MAP7: variants seen among roughly 807,000 people sequenced by gnomAD.
MAP7 encodes the protein microtubule associated protein 7, also known as ensconsin.
In MAP7, 52 loss-of-function variants were observed where a neutral mutation model predicts 94.8. The observed-to-expected ratio is 0.55, with a 90% confidence interval of 0.44 to 0.69. The LOEUF is 0.69. MAP7 is among the 30% of genes least tolerant of loss of function. The pLI, the probability that MAP7 is intolerant of heterozygous loss-of-function variation, is 0.00. For missense variants in MAP7, 940 were observed against 964.6 expected, an observed-to-expected ratio of 0.97 and a Z score of 0.34; for synonymous variants, 350 against 357.0, an observed-to-expected ratio of 0.98 and a Z score of 0.22.
At chr6:136,518,109 C>T (rs1198918642) in intron 1 of MAP7, among the ~76,000 whole-genome samples, 2 of 152,126 alleles carry the variant, frequency 1.3e-5, no homozygotes, top group African/African-American at 4.8e-5. Flanking sequence ...TACTGTTGTT[C>T]CAATAATGGT....
At chr6:136,393,098 T>C (rs1257989959) in intron 3 of MAP7, among the ~76,000 whole-genome samples, 1 of 152,204 alleles carries the variant, frequency 6.6e-6, no homozygotes, top group Non-Finnish European at 1.5e-5. Flanking sequence ...GCTCTATTTC[T>C]TCACTAAATT....
chr6:136,522,227 A>G (rs1172816537), intron 1 of MAP7, among the ~76,000 whole-genome samples: 2 of 152,304 alleles, frequency 1.3e-5, no homozygotes, highest in East Asian at 3.9e-4. Flanking sequence ...GTTCCGAGGT[A>G]TAAGAGCATC....
chr6:136,529,014 C>T (rs991300753), intron 1 of MAP7, among the ~76,000 whole-genome samples: 1 of 152,204 alleles, frequency 6.6e-6, no homozygotes, highest in African/African-American at 2.4e-5. Context: ...GTACCATCTT[C>T]TCGCAATTCC....
At chr6:136,348,887 G>A (rs1376606726) in intron 16 of MAP7, among the ~76,000 whole-genome samples, 1 of 152,118 alleles carries the variant, frequency 6.6e-6, no homozygotes, top group East Asian at 1.9e-4. Context: ...CGAAAAGACA[G>A]CTCCCCTACG....
intron 1 of MAP7, among the ~76,000 whole-genome samples, chr6:136,543,228 T>C (rs1397272044): frequency 1.3e-5 from 2 of 152,234 alleles, no homozygotes; most frequent in Non-Finnish European, 2.9e-5. Flanking sequence ...ATAAACCATC[T>C]GTGATACTTC....
intron 9 of MAP7, 74 bp from the exon 10 acceptor site, chr6:136,366,092 C>G (rs928545614): frequency 6.9e-7 from 1 of 1,447,064 alleles, no homozygotes. Context: ...GAACACGACT[C>G]GATGGAAGAG....
intron 1 of MAP7, among the ~76,000 whole-genome samples, chr6:136,427,744 T>C (rs935440893): frequency 2.0e-5 from 3 of 152,246 alleles, no homozygotes; most frequent in African/African-American, 7.2e-5. Context: ...TTTTCTTGCA[T>C]TTCACACATC....
intron 1 of MAP7, among the ~76,000 whole-genome samples, chr6:136,542,212 C>T (rs1419349343): frequency 6.6e-6 from 1 of 152,048 alleles, no homozygotes; most frequent in Non-Finnish European, 1.5e-5. Flanking sequence ...TGTCAACAAC[C>T]GTAACTCAGA....
chr6:136,399,928 T>C (rs566424053), intron 3 of MAP7, among the ~76,000 whole-genome samples: 1 of 152,192 alleles, frequency 6.6e-6, no homozygotes, highest in South Asian at 2.1e-4. Flanking sequence ...GTGTGGGAAA[T>C]ACTAATTAGT....
At chr6:136,489,529 T>C (rs1291808459) in intron 1 of MAP7, among the ~76,000 whole-genome samples, 1 of 136,420 alleles carries the variant, frequency 7.3e-6, no homozygotes. Context: ...CAGGTTTCTT[T>C]TTTTTTTTTT....
At chr6:136,430,082 T>C (rs1309107585) in intron 1 of MAP7, among the ~76,000 whole-genome samples, 1 of 152,222 alleles carries the variant, frequency 6.6e-6, no homozygotes, top group Admixed American at 6.5e-5. Flanking sequence ...GAGACTGTAG[T>C]TATCCATCTA....
At chr6:136,496,203 A>G (rs1324287275) in intron 1 of MAP7, among the ~76,000 whole-genome samples, 2 of 152,234 alleles carry the variant, frequency 1.3e-5, no homozygotes, top group Admixed American at 6.5e-5. Context: ...CCAGGGGAAG[A>G]AAAGATATCC....
intron 12 of MAP7, 88 bp downstream of exon 12, chr6:136,360,917 C>T (rs1562310250): frequency 4.0e-5 from 61 of 1,543,724 alleles, no homozygotes; most frequent in Non-Finnish European, 5.3e-5. Flanking sequence ...AGCGGGAGCA[C>T]CAGCAGTCCA....
At chr6:136,492,758 G>A in intron 1 of MAP7, among the ~76,000 whole-genome samples, 1 of 151,924 alleles carries the variant, frequency 6.6e-6, no homozygotes, top group African/African-American at 2.4e-5. Context: ...AAAACCAAGA[G>A]ATAAAGAAAT....
intron 1 of MAP7, among the ~76,000 whole-genome samples, chr6:136,471,527 T>G (rs1204858127): frequency 1.3e-5 from 2 of 152,104 alleles, no homozygotes; most frequent in Non-Finnish European, 2.9e-5. Flanking sequence ...GACACACTTT[T>G]CAAGATGCTG....
rs1792619003 is a variant in MAP7 at position 136,361,124 on chromosome 6, C to A, written c.1582G>T (p.Glu528Ter). Residue 528 changes from glutamate (E) to a stop codon, truncating the protein, a stop_gained, in exon 12 of 18, where the codon GAG becomes TAG. Transcript: ENST00000354570. LOFTEE classifies it high-confidence loss of function. ...GCTTCCAGCCTGCGCGACTCCTCCTCACGGCGAGTCGTCCTCTCTTCAGCC... is the reference window on the plus strand; with the variant it reads ...GCTTCCAGCCTGCGCGACTCCTCCTAACGGCGAGTCGTCCTCTCTTCAGCC... Reference protein sequence around the residue: ...RVAEERTTRREEESRRLEAEQ... With the variant: ...RVAEERTTRR 1.2e-6 allele frequency: 2 copies of A among 1,605,658 alleles called. No homozygotes were observed. The highest frequency in any genetic ancestry group is 1.7e-6 in the Non-Finnish European group (2 of 1,179,898).
intron 2 of MAP7, among the ~76,000 whole-genome samples, chr6:136,412,680 C>G (rs548047364): frequency 6.6e-6 from 1 of 152,152 alleles, no homozygotes; most frequent in East Asian, 1.9e-4. Flanking sequence ...GAGTAAGCGA[C>G]GGGGCTCATG....
chr6:136,491,971 G>C (rs1365498541), intron 1 of MAP7, among the ~76,000 whole-genome samples: 1 of 152,200 alleles, frequency 6.6e-6, no homozygotes, highest in Non-Finnish European at 1.5e-5. Context: ...AAACTGGGGA[G>C]AGCGGGGGGA....
At chr6:136,364,267 CT>C (rs1439525150) in intron 10 of MAP7, 8 of 540,410 alleles carry the variant, frequency 1.5e-5, no homozygotes, top group Non-Finnish European at 2.2e-5. Context: ...CCTTTTTGGA[CT>C]GGCTTGTTTG....
Sources: gnomAD v4.1 joint callset for allele counts (sites outside exome capture counted in the v4.1 genomes callset) on GRCh38, gnomAD v4.1.1 for gene constraint, MANE v1.5 for transcripts, NCBI Gene and HGNC (gene_info 2026-07-23, HGNC 2026-07-21) for gene names.